The following INPP4B variants were observed in gnomAD, a reference collection of about 807,000 sequenced individuals.
INPP4B encodes the protein inositol polyphosphate-4-phosphatase type II B.
A neutral mutation model predicts 122.5 loss-of-function variants in INPP4B; 55 were observed. That is an observed-to-expected ratio of 0.45 (90% CI 0.36 to 0.56). The LOEUF (loss-of-function observed/expected upper bound fraction) is 0.56. Ranked by LOEUF, INPP4B falls within the 20% of genes least tolerant of loss-of-function variation. INPP4B has a pLI of 0.00. For synonymous variants in INPP4B, 403 were observed against 388.7 expected (o/e 1.04, Z -0.43); for missense variants, 1,000 against 1,097.7 (o/e 0.91, Z 1.26).
chr4:142,472,232 ATTAAT>A (rs1180727437), intron 2 of INPP4B, among the ~76,000 whole-genome samples: 1 of 152,156 alleles, frequency 6.6e-6, no homozygotes, highest in African/African-American at 2.4e-5. Flanking sequence ...AATCTGAACA[ATTAAT>A]TTATCTTCAG....
At chr4:142,324,071 A>G (rs1771370279) in intron 7 of INPP4B, among the ~76,000 whole-genome samples, 1 of 152,180 alleles carries the variant, frequency 6.6e-6, no homozygotes, top group South Asian at 2.1e-4. Flanking sequence ...GTGCTAATCC[A>G]ATGTAACTGG....
At chr4:142,624,717 G>T (rs995690426) in intron 2 of INPP4B, among the ~76,000 whole-genome samples, 1 of 152,054 alleles carries the variant, frequency 6.6e-6, no homozygotes, top group South Asian at 2.1e-4. Context: ...ATGAACATTC[G>T]TGAAAAAATC....
chr4:142,801,474 T>C (rs567044271), intron 1 of INPP4B, among the ~76,000 whole-genome samples: 17 of 152,258 alleles, frequency 1.1e-4, no homozygotes, highest in African/African-American at 3.8e-4. Context: ...AGAAGGACTG[T>C]ATGAGGACAC....
chr4:142,298,408 C>G (rs1451281940), intron 9 of INPP4B, among the ~76,000 whole-genome samples: 7 of 151,942 alleles, frequency 4.6e-5, no homozygotes, highest in African/African-American at 1.5e-4. Context: ...TTGATCAGGC[C>G]ATGCGCGGTG....
chr4:142,219,116 A>C (rs907870587), intron 12 of INPP4B, among the ~76,000 whole-genome samples: 1 of 152,242 alleles, frequency 6.6e-6, no homozygotes, highest in Non-Finnish European at 1.5e-5. Context: ...AGGGAAAAAC[A>C]ACTGAATATT....
At chr4:142,462,131 C>G (rs536721428) in intron 3 of INPP4B, among the ~76,000 whole-genome samples, 12 of 152,118 alleles carry the variant, frequency 7.9e-5, no homozygotes, top group Middle Eastern at 3.4e-3. Context: ...ACTCTATTCT[C>G]AAACTTTAGG....
chr4:142,040,439 G>A (rs764136326), intron 25 of INPP4B, among the ~76,000 whole-genome samples: 5 of 152,184 alleles, frequency 3.3e-5, no homozygotes, highest in Non-Finnish European at 5.9e-5. Flanking sequence ...CTCAGTGCAA[G>A]GGAAGACTTG....
intron 2 of INPP4B, chr4:142,566,019 T>C (rs1257864864): frequency 6.6e-6 from 1 of 152,140 alleles, no homozygotes; most frequent in Admixed American, 6.6e-5. Flanking sequence ...ATTCATTCAG[T>C]TCACAAAGAG....
intron 21 of INPP4B, among the ~76,000 whole-genome samples, chr4:142,115,854 GAC>G (rs1792992251): frequency 6.6e-6 from 1 of 152,122 alleles, no homozygotes. Flanking sequence ...ACAATTAAAA[GAC>G]ACAGACTGGC....
chr4:142,262,174 A>C (rs533888433), intron 10 of INPP4B, among the ~76,000 whole-genome samples: 75 of 152,314 alleles, frequency 4.9e-4, no homozygotes, highest in Non-Finnish European at 7.6e-4. Context: ...TATATTCATC[A>C]TATCAGTGTT....
At chr4:142,044,760 C>T (rs567476912) in intron 25 of INPP4B, among the ~76,000 whole-genome samples, 23 of 152,168 alleles carry the variant, frequency 1.5e-4, no homozygotes, top group African/African-American at 4.3e-4. Context: ...ATCTTTTTGT[C>T]GTTGTTTCTC....
intron 1 of INPP4B, among the ~76,000 whole-genome samples, chr4:142,831,181 A>G (rs773951735): frequency 2.6e-5 from 4 of 152,216 alleles, no homozygotes; most frequent in Admixed American, 6.5e-5. Context: ...CTCAGCTTTG[A>G]TGCCAGTAAA....
chr4:142,368,068 C>T (rs1055012707), intron 7 of INPP4B, among the ~76,000 whole-genome samples: 1 of 152,162 alleles, frequency 6.6e-6, no homozygotes, highest in Non-Finnish European at 1.5e-5. Flanking sequence ...GCTGCCTTTG[C>T]AACCGTGTAA....
chr4:142,327,450 A>G (rs1319185566), intron 7 of INPP4B, among the ~76,000 whole-genome samples: 1 of 152,144 alleles, frequency 6.6e-6, no homozygotes, highest in African/African-American at 2.4e-5. Flanking sequence ...ATCGAAAAAA[A>G]AAAAAGTATA....
chr4:142,383,503 C>T (rs936916974), intron 7 of INPP4B, among the ~76,000 whole-genome samples: 5 of 152,104 alleles, frequency 3.3e-5, no homozygotes, highest in Admixed American at 1.3e-4. Flanking sequence ...TGAGCAGACA[C>T]CCATCAAAAC....
chr4:142,803,954 G>A (rs927356267), intron 1 of INPP4B, among the ~76,000 whole-genome samples: 1 of 151,938 alleles, frequency 6.6e-6, no homozygotes, highest in Non-Finnish European at 1.5e-5. Context: ...AGCTACTTAG[G>A]AGGCTGAAGC....
chr4:142,355,153 C>T (rs1404782172), intron 7 of INPP4B, among the ~76,000 whole-genome samples: 2 of 151,972 alleles, frequency 1.3e-5, no homozygotes, highest in Non-Finnish European at 2.9e-5. Context: ...AACTGCAAAG[C>T]GTCTTAAAAT....
chr4:142,395,533 T>C (rs1393263850), intron 7 of INPP4B, among the ~76,000 whole-genome samples: 1 of 152,102 alleles, frequency 6.6e-6, no homozygotes, highest in Non-Finnish European at 1.5e-5. Context: ...AGAACTACCA[T>C]AGGATACAAC....
chr4:142,171,323 A>G (rs1470853329), intron 16 of INPP4B, among the ~76,000 whole-genome samples: 1 of 151,850 alleles, frequency 6.6e-6, no homozygotes, highest in Non-Finnish European at 1.5e-5. Flanking sequence ...TGAATATGCT[A>G]TATGGATTAG....
Sources: allele counts gnomAD v4.1 joint callset (sites outside exome capture counted in the v4.1 genomes callset), GRCh38; gene constraint gnomAD v4.1.1; transcripts MANE v1.5; gene names NCBI Gene and HGNC (gene_info 2026-07-23, HGNC 2026-07-21).